The following MARCHF3 variants were observed in gnomAD, a reference collection of about 807,000 sequenced individuals.
The protein encoded by MARCHF3 is E3 ubiquitin-protein ligase MARCHF3.
Under a neutral mutation model 24.2 loss-of-function variants are expected in MARCHF3, and 13 were observed. The observed-to-expected ratio is 0.54, with a 90% CI of 0.35 to 0.85. The LOEUF (loss-of-function observed/expected upper bound fraction) is 0.85, where lower values mean the gene tolerates loss of function less well. MARCHF3 is among the 40% of genes least tolerant of loss of function. The pLI, the probability that MARCHF3 is intolerant of heterozygous loss-of-function variation, is 0.01. For missense variants in MARCHF3, 276 were observed against 325.0 expected (o/e 0.85, Z 1.16); for synonymous variants, 144 against 137.3 (o/e 1.05, Z -0.34).
chr5:126,876,367 T>C (rs187766689), intron 4 of MARCHF3, among the ~76,000 whole-genome samples: 51 of 152,322 alleles, frequency 3.3e-4, no homozygotes, highest in Admixed American at 2.9e-3. Flanking sequence ...CAAGAACTTA[T>C]ATTATTCTCC....
At chr5:127,025,467 C>A (rs1752964385) in intron 1 of MARCHF3, among the ~76,000 whole-genome samples, 1 of 152,144 alleles carries the variant, frequency 6.6e-6, no homozygotes, top group Non-Finnish European at 1.5e-5. Flanking sequence ...AAATTTCTTA[C>A]CACCCTGTCT....
At chr5:126,878,097 A>T in intron 4 of MARCHF3, 88 bp downstream of exon 4, 1 of 1,299,882 alleles carries the variant, frequency 7.7e-7, no homozygotes, top group Non-Finnish European at 1.1e-6. Flanking sequence ...GGCAGGTGAG[A>T]TGTGTTACAG....
intron 1 of MARCHF3, among the ~76,000 whole-genome samples, chr5:126,979,292 GC>G (rs1322505552): frequency 6.6e-6 from 1 of 152,196 alleles, no homozygotes; most frequent in Admixed American, 6.5e-5. Context: ...CTAGCACAAA[GC>G]TTGGCAAACA....
At chr5:126,967,422 G>A (rs1298336522) in intron 1 of MARCHF3, among the ~76,000 whole-genome samples, 1 of 152,178 alleles carries the variant, frequency 6.6e-6, no homozygotes, top group Non-Finnish European at 1.5e-5. Flanking sequence ...GCCTGGTGCG[G>A]TGGCTCAAGC....
At chr5:127,000,611 G>T (rs565847813) in intron 1 of MARCHF3, among the ~76,000 whole-genome samples, 1 of 152,308 alleles carries the variant, frequency 6.6e-6, no homozygotes, top group East Asian at 1.9e-4. Context: ...ATTACCAACA[G>T]GGCAGAATGA....
At chr5:127,007,787 C>T (rs1752355877) in intron 1 of MARCHF3, among the ~76,000 whole-genome samples, 1 of 152,024 alleles carries the variant, frequency 6.6e-6, no homozygotes, top group African/African-American at 2.4e-5. Flanking sequence ...CTACTTTTGT[C>T]AGAATTCTTT....
intron 1 of MARCHF3, among the ~76,000 whole-genome samples, chr5:126,988,406 C>A (rs1751639234): frequency 6.6e-6 from 1 of 152,158 alleles, no homozygotes; most frequent in Non-Finnish European, 1.5e-5. Context: ...CAAAGTTCAC[C>A]ACTCATATCT....
chr5:126,987,801 G>C (rs1230356814), intron 1 of MARCHF3, among the ~76,000 whole-genome samples: 1 of 152,100 alleles, frequency 6.6e-6, no homozygotes, highest in Non-Finnish European at 1.5e-5. Context: ...CTGCCTAAGG[G>C]ACACTGTGGG....
intron 1 of MARCHF3, among the ~76,000 whole-genome samples, chr5:126,925,609 T>C (rs1392305599): frequency 1.3e-5 from 2 of 152,318 alleles, no homozygotes; most frequent in South Asian, 2.1e-4. Flanking sequence ...CCCACAACAA[T>C]GCTATGTGTT....
At chr5:126,931,570 TACACAC>T (rs57567399) in intron 1 of MARCHF3, among the ~76,000 whole-genome samples, 8,133 of 142,766 alleles carry the variant, frequency 0.057, 292 homozygotes, top group African/African-American at 0.11. Flanking sequence ...CATACATGAA[TACACAC>T]ACACACACAC....
chr5:127,021,782 A>G (rs1384602355), intron 1 of MARCHF3, among the ~76,000 whole-genome samples: 1 of 152,196 alleles, frequency 6.6e-6, no homozygotes, highest in Non-Finnish European at 1.5e-5. Context: ...AATGAAGAAA[A>G]ACCCGAAACT....
chr5:127,011,330 C>T (rs1021329888), intron 1 of MARCHF3, among the ~76,000 whole-genome samples: 11 of 152,092 alleles, frequency 7.2e-5, no homozygotes, highest in East Asian at 1.9e-4. Flanking sequence ...GCAGTCATCG[C>T]GGCATGCCTC....
intron 1 of MARCHF3, chr5:127,030,096 C>T (rs1753131624): frequency 6.6e-6 from 1 of 152,158 alleles, no homozygotes; most frequent in Non-Finnish European, 1.5e-5. Context: ...CGCGTCCCGG[C>T]CCCACCTACC....
intron 1 of MARCHF3, among the ~76,000 whole-genome samples, chr5:127,022,830 T>C (rs943988146): frequency 1.2e-4 from 18 of 152,232 alleles, no homozygotes; most frequent in Admixed American, 1.0e-3. Context: ...ATTCTCTATT[T>C]TCTTCTTGGC....
rs903406735 is a variant in MARCHF3 at position 126,922,540 on chromosome 5, AT to A, written c.-56-4314del. On this transcript the variant is annotated intron_variant, in intron 1 of 4. Coordinates refer to ENST00000308660, the MANE Select transcript of MARCHF3 (RefSeq NM_178450.5). ...TATTTATTTATTTATTTATTTATTTATTTATTTATTTATTATTTATTTTTGA... is the reference window on the plus strand; with the variant it reads ...TATTTATTTATTTATTTATTTATTTATTATTTATTTATTATTTATTTTTGA... 1.5e-3 allele frequency among the ~76,000 whole-genome samples: 230 copies of A among 149,186 alleles called. 1 individual carries two copies. Among genetic ancestry groups the A allele is most frequent in the African/African-American group, 5.3e-3 (217 of 40,688 alleles).
chr5:126,923,485 G>GCCACT (rs1749193430), intron 1 of MARCHF3, among the ~76,000 whole-genome samples: 1 of 152,170 alleles, frequency 6.6e-6, no homozygotes, highest in Admixed American at 6.5e-5. Flanking sequence ...AGTGCTGGCT[G>GCCACT]GCACTGACAT....
chr5:126,961,681 T>G (rs181859423), intron 1 of MARCHF3, among the ~76,000 whole-genome samples: 1 of 152,174 alleles, frequency 6.6e-6, no homozygotes, highest in Non-Finnish European at 1.5e-5. Context: ...AATAAGAAAT[T>G]ATGCCTCATC....
chr5:126,933,078 T>C (rs1469309729), intron 1 of MARCHF3, among the ~76,000 whole-genome samples: 2 of 152,160 alleles, frequency 1.3e-5, no homozygotes, highest in Admixed American at 1.3e-4. Flanking sequence ...TAGTGGGAAA[T>C]GTATGGTTTC....
rs934538144 is a variant in MARCHF3 at position 126,914,966 on chromosome 5, C to T, written c.357G>A (p.Arg119=). ...GCCTGGGTTTGCGCTCGACTGCAAA[C>T]CTGAAGTGGCAGAGTTCACAGTAGC... is the stretch of plus-strand genomic sequence containing the variant. ...NTSYCELCHF[R]FAVERKPRPL... is the part of the protein sequence containing the mutation. The change falls in exon 3 of 5, where the codon AGG becomes AGA. Residue 119 remains arginine (R), a synonymous_variant. Transcript: ENST00000308660. 9.3e-6 allele frequency: 15 copies of T among 1,614,064 alleles called. No homozygotes were observed. Among genetic ancestry groups the T allele is most frequent in the Non-Finnish European group, 1.3e-5 (15 of 1,180,050 alleles).
Sources: allele counts gnomAD v4.1 joint callset (sites outside exome capture counted in the v4.1 genomes callset), GRCh38; gene constraint gnomAD v4.1.1; transcripts MANE v1.5; gene names NCBI Gene and HGNC (gene_info 2026-07-23, HGNC 2026-07-21).